Variants in CSMD1 observed in about 807,000 individuals in gnomAD.
CSMD1 encodes CUB and Sushi multiple domains 1.
CSMD1 carries 213 observed loss-of-function variants against 417.5 expected under a neutral mutation model. That is an observed-to-expected ratio of 0.51 (90% confidence interval 0.46 to 0.57). The LOEUF is 0.57. CSMD1 is among the 20% of genes least tolerant of loss of function. CSMD1 has a pLI of 0.00. For missense variants in CSMD1, 6,923 were observed against 4,529.7 expected (o/e 1.53, Z -15.17); for synonymous variants, 2,862 against 1,736.8 (o/e 1.65, Z -16.11).
chr8:3,913,663 G>T (rs989551428), intron 5 of CSMD1, among the ~76,000 whole-genome samples: 6 of 152,184 alleles, frequency 3.9e-5, no homozygotes, highest in African/African-American at 9.7e-5. Flanking sequence ...TTGGGTCAGG[G>T]CCATCGAAAT....
chr8:4,858,196 CT>C (rs1563606188), intron 1 of CSMD1, among the ~76,000 whole-genome samples: 1 of 148,660 alleles, frequency 6.7e-6, no homozygotes, highest in Non-Finnish European at 1.5e-5. Flanking sequence ...CAGAAAAAGC[CT>C]TTGACAAAAT....
intron 3 of CSMD1, among the ~76,000 whole-genome samples, chr8:4,402,899 C>G (rs1168463112): frequency 6.8e-6 from 1 of 147,574 alleles, no homozygotes; most frequent in Non-Finnish European, 1.5e-5. Context: ...GGCTCACTGC[C>G]AGCTCCGCCT....
chr8:4,545,604 GC>G (rs774624603), intron 2 of CSMD1, among the ~76,000 whole-genome samples: 2 of 152,152 alleles, frequency 1.3e-5, no homozygotes, highest in African/African-American at 2.4e-5. Context: ...AGAAGCCCTG[GC>G]TAGAGAAAAA....
At chr8:4,222,796 T>A (rs1006235655) in intron 3 of CSMD1, among the ~76,000 whole-genome samples, 2 of 152,086 alleles carry the variant, frequency 1.3e-5, no homozygotes, top group Non-Finnish European at 2.9e-5. Flanking sequence ...TAAGGGCTGG[T>A]TGAGCTGACC....
intron 2 of CSMD1, among the ~76,000 whole-genome samples, chr8:4,626,169 A>T (rs896678389): frequency 6.6e-6 from 1 of 152,174 alleles, no homozygotes; most frequent in African/African-American, 2.4e-5. Context: ...GGAAGTTTTC[A>T]GCAGGCCAAG....
intron 2 of CSMD1, among the ~76,000 whole-genome samples, chr8:4,567,707 C>T (rs1158928638): frequency 6.6e-6 from 1 of 152,016 alleles, no homozygotes; most frequent in Non-Finnish European, 1.5e-5. Flanking sequence ...TATAGCTGGG[C>T]CAATTCCAAT....
intron 7 of CSMD1, among the ~76,000 whole-genome samples, chr8:3,673,155 T>A (rs745901975): frequency 1.3e-5 from 2 of 152,236 alleles, no homozygotes; most frequent in Admixed American, 1.3e-4. Flanking sequence ...GAAACTCTGA[T>A]GCTATGTCAT....
intron 1 of CSMD1, among the ~76,000 whole-genome samples, chr8:4,720,953 G>A (rs1433522505): frequency 2.0e-5 from 3 of 152,062 alleles, no homozygotes; most frequent in African/African-American, 7.2e-5. Context: ...CAGCTCTTAA[G>A]CTTGCCCTGC....
chr8:4,304,282 G>A (rs1585195060), intron 3 of CSMD1, among the ~76,000 whole-genome samples: 1 of 151,972 alleles, frequency 6.6e-6, no homozygotes, highest in Non-Finnish European at 1.5e-5. Context: ...TTTATTAACG[G>A]GTAACATGTT....
intron 2 of CSMD1, among the ~76,000 whole-genome samples, chr8:4,628,904 G>T (rs983976266): frequency 2.0e-5 from 3 of 152,118 alleles, no homozygotes; most frequent in African/African-American, 7.2e-5. Context: ...TATTAAAAGA[G>T]AATAAAACCT....
rs984315447 is a variant in CSMD1, at chr8:4,865,257, A to G, written c.85+129075T>C. Among the ~76,000 whole-genome samples, 3 of 151,862 alleles carry G rather than the reference A, an allele frequency of 2.0e-5. 1 individual carries two copies. Among genetic ancestry groups the G allele is most frequent in the African/African-American group, 7.3e-5 (3 of 41,342 alleles). On this transcript the variant is annotated intron_variant, in intron 1 of 69. Transcript: ENST00000635120. ...ATACTTGTACCAACATAAAACTTCT[A>G]TGTTATTCATCCTAAGAAAATACTA...
Position 2,937,015 on chromosome 8 carries a change from A to C in CSMD1, c.*1570T>G, listed in dbSNP as rs1234202086. 6.6e-6 allele frequency: 1 copy of C among 152,248 alleles called. No individual in the cohort carries two copies. The highest frequency in any genetic ancestry group is 1.5e-5 in the Non-Finnish European group (1 of 68,048). The allele number at this position is 152,248 out of a possible 1,614,324, so 9.4% of individuals were successfully genotyped here. A position where few individuals can be genotyped will look rare whatever the true frequency, so the allele number is the denominator to read the frequency against. On this transcript the variant is annotated 3_prime_UTR_variant, in exon 70 of 70. Transcript: ENST00000635120. ...AACTGAAATATCAAATAATAAAATA[A>C]GTACTATCGTTTCAAAAATATTTTT...
intron 26 of CSMD1, among the ~76,000 whole-genome samples, chr8:3,269,710 T>C (rs1409671489): frequency 6.6e-6 from 1 of 152,214 alleles, no homozygotes; most frequent in Non-Finnish European, 1.5e-5. Context: ...TGTGCTGAAC[T>C]CCATTTTCGT....
chr8:3,801,721 C>G (rs184331378), intron 5 of CSMD1, among the ~76,000 whole-genome samples: 56 of 152,238 alleles, frequency 3.7e-4, no homozygotes, highest in African/African-American at 1.3e-3. Context: ...GGAAACAATT[C>G]AAGCATTCAC....
chr8:3,286,259 C>G, intron 25 of CSMD1, among the ~76,000 whole-genome samples: 1 of 152,148 alleles, frequency 6.6e-6, no homozygotes, highest in Non-Finnish European at 1.5e-5. Flanking sequence ...CAAGTCTTTG[C>G]TATTGTGAAT....
At chr8:4,617,067 T>A (rs1041405781) in intron 2 of CSMD1, among the ~76,000 whole-genome samples, 9 of 152,122 alleles carry the variant, frequency 5.9e-5, no homozygotes, top group Non-Finnish European at 1.2e-4. Context: ...TTTTTATAAA[T>A]AATAGATGTT....
At chr8:3,478,835 A>G (rs1178051525) in intron 11 of CSMD1, among the ~76,000 whole-genome samples, 1 of 152,194 alleles carries the variant, frequency 6.6e-6, no homozygotes, top group African/African-American at 2.4e-5. Flanking sequence ...CAGAACCTGC[A>G]AGAGGGATGC....
At chr8:4,290,711 T>G (rs1227946191) in intron 3 of CSMD1, among the ~76,000 whole-genome samples, 2 of 152,242 alleles carry the variant, frequency 1.3e-5, no homozygotes, top group Non-Finnish European at 1.5e-5. Context: ...CATATGACAT[T>G]GATAATGTTC....
intron 6 of CSMD1, among the ~76,000 whole-genome samples, chr8:3,744,111 A>T (rs1796946813): frequency 6.6e-6 from 1 of 152,210 alleles, no homozygotes; most frequent in Non-Finnish European, 1.5e-5. Flanking sequence ...CCCTTTGGCA[A>T]GTAAACCTCC....
Sources: allele counts gnomAD v4.1 joint callset (sites outside exome capture counted in the v4.1 genomes callset), GRCh38; gene constraint gnomAD v4.1.1; transcripts MANE v1.5; gene names NCBI Gene and HGNC (gene_info 2026-07-23, HGNC 2026-07-21).